Variants in CIAO1 observed in about 807,000 individuals in gnomAD.
CIAO1 encodes the protein probable cytosolic iron-sulfur protein assembly protein CIAO1.
In CIAO1, 32 loss-of-function variants were observed where a neutral mutation model predicts 43.1. The observed-to-expected ratio is 0.74, with a 90% CI of 0.56 to 1.00. CIAO1 has a LOEUF of 1.00. Ranked by LOEUF, CIAO1 falls within the 50% of genes least tolerant of loss-of-function variation. The pLI is 0.00. For missense variants in CIAO1, 415 were observed against 437.4 expected (o/e 0.95, Z 0.46); for synonymous variants, 183 against 171.4 (o/e 1.07, Z -0.53).
chr2:96,270,267 G>A (rs1254424065), intron 6 of CIAO1, among the ~76,000 whole-genome samples: 1 of 152,190 alleles, frequency 6.6e-6, no homozygotes, highest in East Asian at 1.9e-4. Flanking sequence ...AACACTTTGG[G>A]AGGCCAAGGT....
At chr2:96,267,777 C>A in intron 3 of CIAO1, 41 bp downstream of exon 3, 1 of 1,608,328 alleles carries the variant, frequency 6.2e-7, no homozygotes, top group Non-Finnish European at 8.5e-7. Flanking sequence ...AACCACCTGA[C>A]AGCCCCCTCT....
chr2:96,271,198 G>A lies in CIAO1; in HGVS notation c.867G>A (p.Gln289=), dbSNP rs112998874. The change falls in exon 7 of 7, where the codon CAG becomes CAA. Residue 289 remains glutamine (Q), a synonymous_variant. Transcript: ENST00000488633. ...FQEDPNSDPQ[Q]PTFSLTAHLH... ...AGGATCCCAACTCGGATCCACAGCA[G>A]CCCACCTTCTCCCTGACAGCCCACT... The A allele has an allele frequency of 1.5e-3, 2,433 of 1,614,252 alleles. 2 individuals are homozygous for A. Among genetic ancestry groups the A allele is most frequent in the Non-Finnish European group, 1.9e-3 (2,252 of 1,180,048 alleles).
intron 5 of CIAO1, 177 bp downstream of exon 5, chr2:96,268,835 A>C (rs1684487583): frequency 1.6e-6 from 1 of 615,550 alleles, no homozygotes; most frequent in African/African-American, 1.8e-5. Flanking sequence ...TTTCATCTGA[A>C]TTTAAAAGGG....
rs976069726 is a variant in CIAO1 at position 96,272,058 on chromosome 2, C to G, written c.*707C>G. The G allele has an allele frequency of 1.3e-5, 2 of 152,346 alleles. No individual in the cohort carries two copies. The highest frequency in any genetic ancestry group is 3.9e-4 in the East Asian group (2 of 5,192). 9.4% of individuals were successfully genotyped at this position (152,346 alleles called of 1,614,324 possible). A position where few individuals can be genotyped will look rare whatever the true frequency, so the allele number is the denominator to read the frequency against. On this transcript the variant is annotated 3_prime_UTR_variant, in exon 7 of 7. Coordinates refer to ENST00000488633, the MANE Select transcript of CIAO1 (RefSeq NM_004804.3). ...TTCTTCAGTAAGGATAAAAAAAAATCACAAGCAGTTGTTTGTGGCCCTCCT... is the reference window on the plus strand; with the variant it reads ...TTCTTCAGTAAGGATAAAAAAAAATGACAAGCAGTTGTTTGTGGCCCTCCT...
chr2:96,268,900 AGT>A (rs1406809296), intron 5 of CIAO1: 2 of 572,314 alleles, frequency 3.5e-6, no homozygotes, highest in Non-Finnish European at 6.2e-6. Flanking sequence ...AAAACTCAAC[AGT>A]GTGAGTAAAG....
In CIAO1 at chr2:96,268,607, G is replaced by A. The variant is rs753292815; in HGVS notation, c.640G>A (p.Asp214Asn). The A allele has an allele frequency of 3.1e-6, 5 of 1,614,234 alleles. No individual in the cohort carries two copies. In the East Asian group the frequency reaches 8.9e-5, roughly 29 times the overall value. Residue 214 changes from aspartate to asparagine, a missense_variant, in exon 5 of 7, where the codon GAT (aspartate) becomes AAT (asparagine). Coordinates refer to ENST00000488633, the MANE Select transcript of CIAO1 (RefSeq NM_004804.3). ...PSGQRLASCS[D>N]DRTVRIWRQY... ...TGGCCAGCGCCTGGCGTCTTGTAGT[G>A]ATGACCGTACTGTGCGTATCTGGCG...
chr2:96,270,379 C>T (rs1684525222), intron 6 of CIAO1, among the ~76,000 whole-genome samples: 2 of 152,076 alleles, frequency 1.3e-5, no homozygotes. Flanking sequence ...TTGGCACGCA[C>T]CCAATCCCAG....
In CIAO1 at chr2:96,267,952, G is replaced by A. The variant is rs765285433; in HGVS notation, c.489+28G>A. ...AAGAGTCAAGCAGGGACTCTTGTGG[G>A]AAGGGCTCTGGTGTGCAGGCTTGTG... is the stretch of plus-strand genomic sequence containing the variant. On this transcript the variant is annotated intron_variant, in intron 4 of 6. Transcript: ENST00000488633. 8.3e-6 allele frequency: 13 copies of A among 1,575,694 alleles called. No homozygotes were observed. In the Admixed American group the frequency reaches 2.2e-4, roughly 26 times the overall value.
At chr2:96,268,018 C>T (rs1034733844) in intron 4 of CIAO1, 94 bp downstream of exon 4, 14 of 1,017,820 alleles carry the variant, frequency 1.4e-5, no homozygotes, top group East Asian at 7.2e-5. Context: ...CTAGCTTTTA[C>T]GGAGAGTTCC....
intron 6 of CIAO1, among the ~76,000 whole-genome samples, chr2:96,270,910 T>A (rs537398491): frequency 6.6e-6 from 1 of 151,952 alleles, no homozygotes. Flanking sequence ...AGGATAATCA[T>A]AGTAGGGGAA....
In CIAO1 at chr2:96,273,679, AAAAAAAATCACT is replaced by A. The variant is rs1224717805; in HGVS notation, c.*2329_*2340del. Among the ~76,000 whole-genome samples, 1 of 151,748 alleles carries A rather than the reference AAAAAAAATCACT, an allele frequency of 6.6e-6. No individual in the cohort carries two copies. The highest frequency in any genetic ancestry group is 2.4e-5 in the African/African-American group (1 of 41,240). On this transcript the variant is annotated 3_prime_UTR_variant, in exon 7 of 7. Coordinates refer to ENST00000488633, the MANE Select transcript of CIAO1 (RefSeq NM_004804.3). ...CTCCATTTCAAAAAAAAAAAAAAAA[AAAAAAAATCACT>A]TGTAGTCTTGGTGTGGTATCAAAGA...
In CIAO1 at chr2:96,271,247, G is replaced by A; in HGVS notation, c.916G>A (p.Val306Ile). Reference protein sequence around the residue: ...AHLHQAHSQDVNCVAWNPKEP... With the variant: ...AHLHQAHSQDINCVAWNPKEP... ...CTTGCATCAGGCCCATTCCCAGGATGTCAACTGTGTGGCCTGGAACCCCAA... is the reference window on the plus strand; with the variant it reads ...CTTGCATCAGGCCCATTCCCAGGATATCAACTGTGTGGCCTGGAACCCCAA... Residue 306 changes from valine (V) to isoleucine (I), a missense_variant, in exon 7 of 7, where the codon GTC becomes ATC. By Grantham distance (29) the Val-to-Ile change is conservative. Transcript: ENST00000488633. 6.2e-7 allele frequency: 1 copy of A among 1,614,246 alleles called. No homozygotes were observed. Among genetic ancestry groups the A allele is most frequent in the Non-Finnish European group, 8.5e-7 (1 of 1,180,050 alleles).
rs1438003938 is a variant in CIAO1, at chr2:96,273,400, A to C, written c.*2049A>C. ...TGTAGTAAGCCGGGCGCGGTGGCTCACGCCTGTAATCCCAACACTTTGGGA... is the reference window on the plus strand; with the variant it reads ...TGTAGTAAGCCGGGCGCGGTGGCTCCCGCCTGTAATCCCAACACTTTGGGA... On this transcript the variant is annotated 3_prime_UTR_variant, in exon 7 of 7. Transcript: ENST00000488633. The C allele has an allele frequency of 6.6e-6, 1 of 152,240 alleles. No homozygotes were observed. Among genetic ancestry groups the C allele is most frequent in the Non-Finnish European group, 1.5e-5 (1 of 68,064 alleles). 9.4% of individuals were successfully genotyped at this position (152,240 alleles called of 1,614,324 possible). A position where few individuals can be genotyped will look rare whatever the true frequency, so the allele number is the denominator to read the frequency against.
In CIAO1 at chr2:96,267,465, T is replaced by C; in HGVS notation, c.284T>C (p.Phe95Ser). The C allele has an allele frequency of 6.2e-7, 1 of 1,614,122 alleles. No individual in the cohort carries two copies. The change falls in exon 2 of 7, where the codon TTT becomes TCT. Residue 95 changes from phenylalanine to serine, a missense_variant. Physicochemically the swap from Phe to Ser is radical, Grantham distance 155 (BLOSUM62 -2). Coordinates refer to ENST00000488633, the MANE Select transcript of CIAO1 (RefSeq NM_004804.3). ...TCIWKKNQDD[F>S]ECVTTLEGHE... ...ATTTGGAAGAAGAACCAGGATGACT[T>C]TGAGGTACCCAGGCTGGTTGGGACC...
chr2:96,273,802 T>G lies in CIAO1; in HGVS notation c.*2451T>G, dbSNP rs1392196519. On this transcript the variant is annotated 3_prime_UTR_variant, in exon 7 of 7. Transcript: ENST00000488633. ...AGTCAACTTACTTCAACAAAAAAGT[T>G]TGGATGTAGAAGCAGCTGTAAGAAT... is the stretch of plus-strand genomic sequence containing the variant. Among the ~76,000 whole-genome samples the G allele has an allele frequency of 2.0e-5, 3 of 152,072 alleles. No homozygotes were observed. The highest frequency in any genetic ancestry group is 4.4e-5 in the Non-Finnish European group (3 of 68,020).
At chr2:96,268,899 C>A in intron 5 of CIAO1, 1 of 571,446 alleles carries the variant, frequency 1.7e-6, no homozygotes, top group Admixed American at 3.1e-5. Context: ...GAAAACTCAA[C>A]AGTGTGAGTA....
At chr2:96,269,002 G>A in intron 5 of CIAO1, 1 of 581,234 alleles carries the variant, frequency 1.7e-6, no homozygotes, top group East Asian at 2.9e-5. Context: ...AATAAAGTGG[G>A]TTGGGTCGGC....
chr2:96,267,975 G>C (rs1468203157), intron 4 of CIAO1, 51 bp downstream of exon 4: 1 of 1,445,440 alleles, frequency 6.9e-7, no homozygotes, highest in Non-Finnish European at 9.7e-7. Flanking sequence ...GTGCAGGCTT[G>C]TGCCCAGCCT....
rs1301874781 is a variant in CIAO1, at chr2:96,273,026, TA to T, written c.*1676del. 1 of 152,208 alleles carries T rather than the reference TA, an allele frequency of 6.6e-6. No individual in the cohort carries two copies. Among genetic ancestry groups the T allele is most frequent in the Non-Finnish European group, 1.5e-5 (1 of 68,032 alleles). The allele number at this position is 152,208 out of a possible 1,614,324, so 9.4% of individuals were successfully genotyped here. A position where few individuals can be genotyped will look rare whatever the true frequency, so the allele number is the denominator to read the frequency against. On this transcript the variant is annotated 3_prime_UTR_variant, in exon 7 of 7. Transcript: ENST00000488633. ...TATTTAGACTTGAATATTTGGCTGA[TA>T]TTTTCTGGAAATTAATGGAATGAGC...
Sources: allele counts gnomAD v4.1 joint callset (sites outside exome capture counted in the v4.1 genomes callset), GRCh38; gene constraint gnomAD v4.1.1; transcripts MANE v1.5; gene names NCBI Gene and HGNC (gene_info 2026-07-23, HGNC 2026-07-21).